Variants in ADARB2 observed in about 807,000 individuals in gnomAD.
The protein encoded by ADARB2 is inactive double-stranded RNA-specific editase B2.
ADARB2 carries 25 observed loss-of-function variants against 62.2 expected under a neutral mutation model. That is an observed-to-expected ratio of 0.40 (90% CI 0.29 to 0.56). The LOEUF (loss-of-function observed/expected upper bound fraction) is 0.56, where lower values mean the gene tolerates loss of function less well. ADARB2 is among the 20% of genes least tolerant of loss of function. The pLI is 0.43. For synonymous variants in ADARB2, 572 were observed against 500.8 expected (o/e 1.14, Z -1.90); for missense variants, 1,071 against 1,077.4 (o/e 0.99, Z 0.08).
chr10:1,283,579 G>A (rs1033466256), intron 3 of ADARB2, among the ~76,000 whole-genome samples: 1 of 152,044 alleles, frequency 6.6e-6, no homozygotes, highest in Non-Finnish European at 1.5e-5. Context: ...AATGACTTCT[G>A]TAGACAGCCT....
At chr10:1,548,180 G>C (rs1832555501) in intron 1 of ADARB2, among the ~76,000 whole-genome samples, 1 of 152,138 alleles carries the variant, frequency 6.6e-6, no homozygotes, top group Non-Finnish European at 1.5e-5. Context: ...GCTCAGGTGA[G>C]TTTTCCAGCT....
chr10:1,539,032 G>T (rs1231697349), intron 1 of ADARB2, among the ~76,000 whole-genome samples: 2 of 152,202 alleles, frequency 1.3e-5, no homozygotes, highest in African/African-American at 4.8e-5. Context: ...GCTCCACACA[G>T]CATGCACGTC....
At chr10:1,661,854 C>T (rs1237910120) in intron 1 of ADARB2, among the ~76,000 whole-genome samples, 1 of 152,186 alleles carries the variant, frequency 6.6e-6, no homozygotes, top group Non-Finnish European at 1.5e-5. Context: ...ACTCAAGTCT[C>T]TGGGCAGCTT....
At chr10:1,644,881 C>T (rs1192289080) in intron 1 of ADARB2, among the ~76,000 whole-genome samples, 7 of 152,152 alleles carry the variant, frequency 4.6e-5, no homozygotes. Flanking sequence ...ATAGTGATGG[C>T]TAGGGGCTCT....
intron 1 of ADARB2, among the ~76,000 whole-genome samples, chr10:1,617,951 G>C (rs536807615): frequency 1.3e-5 from 2 of 152,348 alleles, no homozygotes; most frequent in South Asian, 2.1e-4. Flanking sequence ...TCCAACTACA[G>C]ATTTCCCTGA....
At chr10:1,482,193 T>C (rs2131925335) in intron 1 of ADARB2, among the ~76,000 whole-genome samples, 1 of 152,284 alleles carries the variant, frequency 6.6e-6, no homozygotes, top group South Asian at 2.1e-4. Context: ...GGCGGTTCCT[T>C]GGGAAAAGTA....
intron 1 of ADARB2, among the ~76,000 whole-genome samples, chr10:1,609,805 A>G (rs1322010140): frequency 6.6e-6 from 1 of 152,192 alleles, no homozygotes; most frequent in Non-Finnish European, 1.5e-5. Flanking sequence ...GTCTGTGGTC[A>G]TGACCACGCG....
chr10:1,692,082 G>A (rs559252115), intron 1 of ADARB2, among the ~76,000 whole-genome samples: 3 of 152,312 alleles, frequency 2.0e-5, no homozygotes, highest in South Asian at 2.1e-4. Flanking sequence ...CTTACTGAAC[G>A]GGTCTGAATC....
In ADARB2 at chr10:1,476,592, G is replaced by A. The variant is rs116966476; in HGVS notation, c.101-97432C>T. Among the ~76,000 whole-genome samples, 21 of 152,292 alleles carry A rather than the reference G, an allele frequency of 1.4e-4. No homozygotes were observed. In the East Asian group the frequency reaches 3.7e-3, roughly 27 times the overall value. ...AACGCACACAGGACGGGGGAGCTGA[G>A]GTGAGGTTTTAAAGACAGCCTTCTT... On this transcript the variant is annotated intron_variant, in intron 1 of 9. Transcript: ENST00000381312.
rs186152669 is a variant in ADARB2 at position 1,218,404 on chromosome 10, C to T, written c.1514-1285G>A. Among the ~76,000 whole-genome samples the T allele has an allele frequency of 1.1e-4, 16 of 152,296 alleles. No individual in the cohort carries two copies. The East Asian group carries it at 3.1e-3, about 29-fold the overall frequency. Reference sequence around the variant, plus strand: ...ATTGTAATATGGAAATGGCCCACTGCTTTGCATTTGAATTATATATAAAAT... The same window carrying T: ...ATTGTAATATGGAAATGGCCCACTGTTTTGCATTTGAATTATATATAAAAT... On this transcript the variant is annotated intron_variant, in intron 6 of 9. Transcript: ENST00000381312.
intron 1 of ADARB2, among the ~76,000 whole-genome samples, chr10:1,655,468 G>A (rs757454169): frequency 8.5e-5 from 13 of 152,156 alleles, no homozygotes; most frequent in Non-Finnish European, 1.6e-4. Flanking sequence ...AAACTGCAAC[G>A]CACACCTAAT....
Position 1,478,757 on chromosome 10 carries a change from C to T in ADARB2, c.101-99597G>A, listed in dbSNP as rs187209507. 1.0e-4 allele frequency among the ~76,000 whole-genome samples: 15 copies of T among 148,448 alleles called. 1 individual carries two copies. The East Asian group carries it at 2.6e-3, about 26-fold the overall frequency. ...GGGAGAGCGCCAAAACAAGGACCCT[C>T]GGATGGGAGAGCGCCAAAATAAGGA... On this transcript the variant is annotated intron_variant, in intron 1 of 9. Coordinates refer to ENST00000381312, the MANE Select transcript of ADARB2 (RefSeq NM_018702.4).
intron 1 of ADARB2, among the ~76,000 whole-genome samples, chr10:1,635,928 C>G (rs537951683): frequency 1.4e-4 from 22 of 152,240 alleles, no homozygotes; most frequent in African/African-American, 5.1e-4. Flanking sequence ...TGCAGAAAAC[C>G]TGATGTTAAA....
chr10:1,369,176 C>A (rs968317170), intron 2 of ADARB2, among the ~76,000 whole-genome samples: 1 of 152,222 alleles, frequency 6.6e-6, no homozygotes, highest in African/African-American at 2.4e-5. Context: ...AAATTGGTCT[C>A]ATTTTTTTCT....
intron 1 of ADARB2, among the ~76,000 whole-genome samples, chr10:1,408,427 C>A (rs1428974389): frequency 1.3e-5 from 2 of 152,116 alleles, no homozygotes; most frequent in Non-Finnish European, 2.9e-5. Context: ...GAGTCTTGAA[C>A]CACATCTATG....
At chr10:1,185,644 G>A (rs1465536786) in intron 8 of ADARB2, among the ~76,000 whole-genome samples, 1 of 152,216 alleles carries the variant, frequency 6.6e-6, no homozygotes, top group African/African-American at 2.4e-5. Flanking sequence ...CGAAAGTTAC[G>A]AAGAATTTCA....
chr10:1,521,133 G>A (rs889112637), intron 1 of ADARB2, among the ~76,000 whole-genome samples: 1 of 152,112 alleles, frequency 6.6e-6, no homozygotes, highest in Non-Finnish European at 1.5e-5. Flanking sequence ...GGAGTCGGGT[G>A]AGGTGGCTGT....
At chr10:1,645,198 G>A (rs1466215061) in intron 1 of ADARB2, among the ~76,000 whole-genome samples, 1 of 152,240 alleles carries the variant, frequency 6.6e-6, no homozygotes, top group Non-Finnish European at 1.5e-5. Flanking sequence ...GCTTCAGTCA[G>A]ATTAGCCAAT....
chr10:1,234,275 C>T (rs573223590), intron 5 of ADARB2, among the ~76,000 whole-genome samples: 7 of 151,224 alleles, frequency 4.6e-5, no homozygotes, highest in East Asian at 4.0e-4. Context: ...AGGTGTGAGC[C>T]GCTGCGCCTG....
Sources: allele counts gnomAD v4.1 joint callset (sites outside exome capture counted in the v4.1 genomes callset), GRCh38; gene constraint gnomAD v4.1.1; transcripts MANE v1.5; gene names NCBI Gene and HGNC (gene_info 2026-07-23, HGNC 2026-07-21).